ABCA13: variants seen among roughly 807,000 people sequenced by gnomAD.
ABCA13 encodes the protein ATP-binding cassette sub-family A member 13.
A neutral mutation model predicts 478.7 loss-of-function variants in ABCA13; 476 were observed. That is an observed-to-expected ratio of 0.99 (90% CI 0.92 to 1.07). The LOEUF (loss-of-function observed/expected upper bound fraction) is 1.07, where lower values mean the gene tolerates loss of function less well. Among genes scored for constraint, ABCA13 ranks in the 50% least tolerant of loss-of-function variants. ABCA13 has a pLI of 0.00. For missense variants in ABCA13, 6,060 were observed against 5,910.6 expected, an observed-to-expected ratio of 1.03 and a Z score of -0.83; for synonymous variants, 2,252 against 2,158.9, an observed-to-expected ratio of 1.04 and a Z score of -1.20.
At chr7:48,324,674 A>G (rs1804042087) in intron 27 of ABCA13, among the ~76,000 whole-genome samples, 1 of 152,202 alleles carries the variant, frequency 6.6e-6, no homozygotes, top group Non-Finnish European at 1.5e-5. Flanking sequence ...AAAACAAAAA[A>G]TAAGTAGGAA....
chr7:48,550,688 C>T (rs545577649), intron 55 of ABCA13, among the ~76,000 whole-genome samples: 4 of 151,686 alleles, frequency 2.6e-5, no homozygotes, highest in South Asian at 4.2e-4. Flanking sequence ...TATCTATCTA[C>T]GTACCTACAT....
chr7:48,379,058 A>G (rs1463580732), intron 35 of ABCA13, among the ~76,000 whole-genome samples: 1 of 152,248 alleles, frequency 6.6e-6, no homozygotes, highest in African/African-American at 2.4e-5. Context: ...AGAGTCTATT[A>G]CAGAATTTAA....
At chr7:48,341,671 A>G (rs1241107100) in intron 29 of ABCA13, among the ~76,000 whole-genome samples, 1 of 151,034 alleles carries the variant, frequency 6.6e-6, no homozygotes, top group Non-Finnish European at 1.5e-5. Context: ...TTATGGCCTT[A>G]TATTTCATTT....
At chr7:48,193,519 G>C (rs994480223) in intron 2 of ABCA13, among the ~76,000 whole-genome samples, 2 of 151,098 alleles carry the variant, frequency 1.3e-5, no homozygotes, top group Admixed American at 1.3e-4. Flanking sequence ...GATAATGATG[G>C]TGATGATAGT....
intron 3 of ABCA13, among the ~76,000 whole-genome samples, chr7:48,210,344 C>T (rs1785474059): frequency 6.6e-6 from 1 of 152,148 alleles, no homozygotes; most frequent in South Asian, 2.1e-4. Flanking sequence ...GAAGTCCCTC[C>T]CACAACACAT....
At chr7:48,361,572 A>T (rs912932008) in intron 31 of ABCA13, among the ~76,000 whole-genome samples, 1 of 151,450 alleles carries the variant, frequency 6.6e-6, no homozygotes, top group South Asian at 2.1e-4. Flanking sequence ...TCTTCAATAT[A>T]TTCTTTTATA....
chr7:48,282,869 C>G (rs1436027993), intron 19 of ABCA13, among the ~76,000 whole-genome samples: 1 of 152,088 alleles, frequency 6.6e-6, no homozygotes, highest in Non-Finnish European at 1.5e-5. Flanking sequence ...CTGTGCCTGT[C>G]TATTGATCAC....
At chr7:48,607,394 A>G (rs577746193) in intron 58 of ABCA13, among the ~76,000 whole-genome samples, 4 of 146,564 alleles carry the variant, frequency 2.7e-5, no homozygotes, top group Non-Finnish European at 4.5e-5. Flanking sequence ...ACCAGTCTCA[A>G]TGAGATGAAC....
intron 26 of ABCA13, among the ~76,000 whole-genome samples, chr7:48,315,197 G>C (rs933408133): frequency 6.6e-6 from 1 of 152,274 alleles, no homozygotes; most frequent in Non-Finnish European, 1.5e-5. Flanking sequence ...CTTAGCATAA[G>C]GGTATAAATG....
chr7:48,433,156 G>T (rs1822370342), intron 42 of ABCA13, among the ~76,000 whole-genome samples: 1 of 151,762 alleles, frequency 6.6e-6, no homozygotes, highest in African/African-American at 2.4e-5. Context: ...TACCAAGTGT[G>T]CATTCAAACA....
intron 20 of ABCA13, among the ~76,000 whole-genome samples, chr7:48,291,973 A>G (rs529513309): frequency 6.6e-6 from 1 of 152,298 alleles, no homozygotes; most frequent in East Asian, 1.9e-4. Flanking sequence ...TCTATGTGGC[A>G]GAAGGACCCA....
At chr7:48,531,817 A>T (rs1236874257) in intron 55 of ABCA13, among the ~76,000 whole-genome samples, 1 of 145,078 alleles carries the variant, frequency 6.9e-6, no homozygotes, top group Non-Finnish European at 1.5e-5. Context: ...TTTGGTGTAT[A>T]GCAGAGCTAC....
At chr7:48,635,194 G>T (rs1794528680) in intron 59 of ABCA13, among the ~76,000 whole-genome samples, 1 of 144,954 alleles carries the variant, frequency 6.9e-6, no homozygotes, top group African/African-American at 2.6e-5. Flanking sequence ...ACACCCTTAT[G>T]GTTGAACTTC....
rs762437517 is a variant in ABCA13 at position 48,297,217 on chromosome 7, T to C, written c.9120-15T>C. 3.8e-6 allele frequency: 6 copies of C among 1,589,518 alleles called. No homozygotes were observed. Among genetic ancestry groups the C allele is most frequent in the Non-Finnish European group, 5.1e-6 (6 of 1,166,552 alleles). ...TTAGCTTGCCTAATTTAGCTTTAAT[T>C]TTCTGCCATTTTAGGTTGGCCAAAA... On this transcript the variant is annotated splice_polypyrimidine_tract_variant and intron_variant, in intron 21 of 61. Transcript: ENST00000435803.
chr7:48,291,673 C>T (rs1267169510), intron 20 of ABCA13, among the ~76,000 whole-genome samples: 1 of 152,100 alleles, frequency 6.6e-6, no homozygotes, highest in East Asian at 1.9e-4. Flanking sequence ...CCAGGCATGC[C>T]CGGGTTATGT....
At chr7:48,231,863 T>A (rs1180490447) in intron 7 of ABCA13, among the ~76,000 whole-genome samples, 6 of 152,124 alleles carry the variant, frequency 3.9e-5, no homozygotes, top group Admixed American at 3.3e-4. Context: ...GGTTTCACCA[T>A]GTTGGCCAGG....
At chr7:48,336,067 T>G (rs1433571659) in intron 28 of ABCA13, among the ~76,000 whole-genome samples, 1 of 152,156 alleles carries the variant, frequency 6.6e-6, no homozygotes, top group Admixed American at 6.5e-5. Flanking sequence ...TCATGTTTAG[T>G]TTTTTTATTA....
At chr7:48,467,709 G>A (rs1399958466) in intron 44 of ABCA13, among the ~76,000 whole-genome samples, 1 of 152,156 alleles carries the variant, frequency 6.6e-6, no homozygotes, top group African/African-American at 2.4e-5. Flanking sequence ...GTTCTGGGTA[G>A]AGCAAATGAG....
At chr7:48,496,839 A>G (rs1176363641) in intron 48 of ABCA13, among the ~76,000 whole-genome samples, 1 of 151,778 alleles carries the variant, frequency 6.6e-6, no homozygotes, top group African/African-American at 2.4e-5. Context: ...TCTCTTTGTG[A>G]CGGCTTTAAA....
Sources: allele counts gnomAD v4.1 joint callset (sites outside exome capture counted in the v4.1 genomes callset), GRCh38; gene constraint gnomAD v4.1.1; transcripts MANE v1.5; gene names NCBI Gene and HGNC (gene_info 2026-07-23, HGNC 2026-07-21).